PCDH9: variants seen among roughly 807,000 people sequenced by gnomAD.
The protein encoded by PCDH9 is protocadherin 9, also known as protocadherin-9.
In PCDH9, 24 loss-of-function variants were observed where a neutral mutation model predicts 70.6. That is an observed-to-expected ratio of 0.34 (90% confidence interval 0.25 to 0.48). The LOEUF (loss-of-function observed/expected upper bound fraction) is 0.48. PCDH9 is among the 20% of genes least tolerant of loss of function. The pLI is 0.99. For missense variants in PCDH9, 1,281 were observed against 1,503.6 expected, an observed-to-expected ratio of 0.85 and a Z score of 2.45; for synonymous variants, 562 against 558.5, an observed-to-expected ratio of 1.01 and a Z score of -0.09.
chr13:66,317,672 T>C (rs917103850), intron 4 of PCDH9, among the ~76,000 whole-genome samples: 1 of 152,086 alleles, frequency 6.6e-6, no homozygotes, highest in African/African-American at 2.4e-5. Context: ...TCTGATGAAA[T>C]ACAGACAACA....
intron 3 of PCDH9, among the ~76,000 whole-genome samples, chr13:66,722,020 A>G (rs2078947912): frequency 6.6e-6 from 1 of 152,170 alleles, no homozygotes; most frequent in Non-Finnish European, 1.5e-5. Flanking sequence ...CCTCTTGGGT[A>G]TCATTTATCT....
At position 67,084,548 on chromosome 13, in the gene PCDH9, C is replaced by T. The variant is rs1333061224; in HGVS notation, c.3036+140857G>A. Among the ~76,000 whole-genome samples the T allele has an allele frequency of 3.9e-5, 6 of 152,232 alleles. No individual in the cohort carries two copies. The East Asian group carries it at 9.7e-4, about 25-fold the overall frequency. On this transcript the variant is annotated intron_variant, in intron 2 of 4. Coordinates refer to ENST00000377865, the MANE Select transcript of PCDH9 (RefSeq NM_203487.3). ...AGCCACTGGGGAGGTCAGGACTTAA[C>T]CATTAAGTTGCCTGGACTTCCTTGC... is the stretch of plus-strand genomic sequence containing the variant.
At chr13:66,856,145 A>T (rs1351608012) in intron 3 of PCDH9, among the ~76,000 whole-genome samples, 2 of 152,022 alleles carry the variant, frequency 1.3e-5, no homozygotes, top group Non-Finnish European at 2.9e-5. Flanking sequence ...TCAATAACGC[A>T]TATAAATAGG....
At chr13:66,380,308 C>T (rs913206299) in intron 4 of PCDH9, among the ~76,000 whole-genome samples, 1 of 152,054 alleles carries the variant, frequency 6.6e-6, no homozygotes, top group African/African-American at 2.4e-5. Context: ...AAGAAATAAA[C>T]TTTAAAACTG....
chr13:66,554,285 G>T (rs1463760195), intron 4 of PCDH9, among the ~76,000 whole-genome samples: 1 of 152,106 alleles, frequency 6.6e-6, no homozygotes, highest in African/African-American at 2.4e-5. Context: ...TACAGCCATT[G>T]CTTGAGTTTT....
At chr13:67,071,151 G>A (rs751963880) in intron 2 of PCDH9, among the ~76,000 whole-genome samples, 2 of 152,060 alleles carry the variant, frequency 1.3e-5, no homozygotes, top group Non-Finnish European at 2.9e-5. Flanking sequence ...AAAAAACAAG[G>A]AGAGCCAAAT....
At chr13:66,783,133 G>A (rs185378463) in intron 3 of PCDH9, among the ~76,000 whole-genome samples, 49 of 151,924 alleles carry the variant, frequency 3.2e-4, no homozygotes, top group African/African-American at 8.4e-4. Flanking sequence ...ATATCTTCTC[G>A]ACTCCTCACT....
chr13:67,166,627 T>C (rs1261768271), intron 2 of PCDH9, among the ~76,000 whole-genome samples: 2 of 152,218 alleles, frequency 1.3e-5, no homozygotes, highest in African/African-American at 4.8e-5. Flanking sequence ...TACTCATACA[T>C]AAGGCTTGAT....
At chr13:66,994,256 A>C (rs1170128941) in intron 2 of PCDH9, among the ~76,000 whole-genome samples, 1 of 152,156 alleles carries the variant, frequency 6.6e-6, no homozygotes, top group Non-Finnish European at 1.5e-5. Flanking sequence ...AGAAACCAAG[A>C]AACTGGCACT....
At chr13:66,462,416 A>G (rs150180555) in intron 4 of PCDH9, among the ~76,000 whole-genome samples, 18 of 152,060 alleles carry the variant, frequency 1.2e-4, no homozygotes, top group African/African-American at 4.3e-4. Flanking sequence ...AGGTTGGAAC[A>G]TAAGTTGTTT....
At chr13:67,004,564 A>G (rs955670923) in intron 2 of PCDH9, among the ~76,000 whole-genome samples, 5 of 148,198 alleles carry the variant, frequency 3.4e-5, no homozygotes, top group African/African-American at 7.4e-5. Context: ...AAAAAAAAAA[A>G]AAAGAAAGAA....
At chr13:67,150,757 T>G (rs2087637119) in intron 2 of PCDH9, among the ~76,000 whole-genome samples, 1 of 152,210 alleles carries the variant, frequency 6.6e-6, no homozygotes, top group Non-Finnish European at 1.5e-5. Flanking sequence ...TAACTTGTAC[T>G]CGCCCTTTGT....
At chr13:66,335,342 T>A (rs1405828092) in intron 4 of PCDH9, among the ~76,000 whole-genome samples, 1 of 152,174 alleles carries the variant, frequency 6.6e-6, no homozygotes, top group Non-Finnish European at 1.5e-5. Flanking sequence ...GAGCTTGCTC[T>A]GACATTTTCT....
At chr13:67,008,084 A>C (rs902486810) in intron 2 of PCDH9, among the ~76,000 whole-genome samples, 4 of 152,156 alleles carry the variant, frequency 2.6e-5, no homozygotes, top group African/African-American at 9.7e-5. Context: ...ATAATTTCTC[A>C]TCAGTGTCAG....
chr13:67,064,421 C>T (rs2085600852), intron 2 of PCDH9, among the ~76,000 whole-genome samples: 1 of 152,182 alleles, frequency 6.6e-6, no homozygotes, highest in African/African-American at 2.4e-5. Flanking sequence ...ATAAACATTA[C>T]AAACAGAGGA....
At chr13:66,888,495 A>G (rs555919809) in intron 3 of PCDH9, among the ~76,000 whole-genome samples, 1 of 151,946 alleles carries the variant, frequency 6.6e-6, no homozygotes, top group Admixed American at 6.6e-5. Context: ...GTGACAGAAA[A>G]AAATAAAATA....
intron 4 of PCDH9, among the ~76,000 whole-genome samples, chr13:66,372,247 A>C (rs1956667850): frequency 6.6e-6 from 1 of 151,912 alleles, no homozygotes; most frequent in Admixed American, 6.6e-5. Context: ...AAAGTGATAA[A>C]TTCCATAGAA....
intron 2 of PCDH9, among the ~76,000 whole-genome samples, chr13:67,127,579 G>A (rs2087007554): frequency 2.0e-5 from 3 of 151,908 alleles, no homozygotes; most frequent in Admixed American, 2.0e-4. Context: ...GGCTTGTGTT[G>A]TGGGGAAGGG....
intron 2 of PCDH9, among the ~76,000 whole-genome samples, chr13:67,140,836 T>G (rs1018554131): frequency 2.6e-5 from 4 of 152,196 alleles, no homozygotes; most frequent in African/African-American, 9.7e-5. Context: ...TCTTGGCTGT[T>G]AGAAAGTTTA....
Sources: allele counts gnomAD v4.1 joint callset (sites outside exome capture counted in the v4.1 genomes callset), GRCh38; gene constraint gnomAD v4.1.1; transcripts MANE v1.5; gene names NCBI Gene and HGNC (gene_info 2026-07-23, HGNC 2026-07-21).